Variants in ZNF43 observed in about 807,000 individuals in gnomAD.
ZNF43 encodes zinc finger protein 43.
Under a neutral mutation model 68.4 loss-of-function variants are expected in ZNF43, and 44 were observed. The observed-to-expected ratio is 0.64, with a 90% confidence interval of 0.51 to 0.83. The LOEUF is 0.83. Among genes scored for constraint, ZNF43 ranks in the 40% least tolerant of loss-of-function variants. ZNF43 has a pLI of 0.00. For synonymous variants in ZNF43, 308 were observed against 307.8 expected (o/e 1.00, Z -0.01); for missense variants, 896 against 933.2 (o/e 0.96, Z 0.52).
intron 1 of ZNF43, among the ~76,000 whole-genome samples, chr19:21,846,925 A>G (rs1024121406): frequency 7.9e-5 from 12 of 152,208 alleles, no homozygotes; most frequent in African/African-American, 2.9e-4. Flanking sequence ...ATGTCAGTGC[A>G]GGGCCTAGCA....
upstream of ZNF43, among the ~76,000 whole-genome samples, chr19:21,836,722 C>G (rs902626395): frequency 1.3e-5 from 2 of 152,102 alleles, no homozygotes; most frequent in Non-Finnish European, 2.9e-5. Flanking sequence ...GTAGCTGGGA[C>G]CACTGGCATG....
At chr19:21,844,861 C>G (rs1382888060) in intron 1 of ZNF43, among the ~76,000 whole-genome samples, 1 of 132,308 alleles carries the variant, frequency 7.6e-6, no homozygotes, top group African/African-American at 3.0e-5. Flanking sequence ...TGCTCCACTG[C>G]ACTCCAGCCT....
rs767202213 is a variant in ZNF43, at chr19:21,808,582, T to C, written c.1455A>G (p.Glu485=). ...IHTAEKPYKC[E]ECGKAFSRSS... ...ACCGGCTAAAAGCTTTGCCACATTCTTCACATTTGTACGGTTTTTCTGCAG... is the reference window on the plus strand; with the variant it reads ...ACCGGCTAAAAGCTTTGCCACATTCCTCACATTTGTACGGTTTTTCTGCAG... Residue 485 remains glutamate (E), a synonymous_variant, in exon 4 of 4, where the codon GAA becomes GAG. Coordinates refer to ENST00000354959, the MANE Select transcript of ZNF43 (RefSeq NM_003423.4). 1 of 1,613,714 alleles carries C rather than the reference T, an allele frequency of 6.2e-7. No individual in the cohort carries two copies. Among genetic ancestry groups the C allele is most frequent in the Non-Finnish European group, 8.5e-7 (1 of 1,179,858 alleles).
At chr19:21,810,758 G>A (rs1022970031) in intron 3 of ZNF43, among the ~76,000 whole-genome samples, 2 of 152,050 alleles carry the variant, frequency 1.3e-5, no homozygotes, top group Non-Finnish European at 2.9e-5. Context: ...GACCAGCCAG[G>A]GCAACATAGT....
chr19:21,829,097 CCCAGCTACT>C (rs1380195404), intron 1 of ZNF43, among the ~76,000 whole-genome samples: 2 of 146,206 alleles, frequency 1.4e-5, no homozygotes, highest in Admixed American at 1.4e-4. Context: ...TGCCTGTAGT[CCCAGCTACT>C]CCAGCTACTC....
intron 1 of ZNF43, among the ~76,000 whole-genome samples, chr19:21,851,634 C>G (rs116811099): frequency 6.6e-6 from 1 of 152,098 alleles, no homozygotes; most frequent in Non-Finnish European, 1.5e-5. Context: ...GATTCTGCCC[C>G]GATCATCCGC....
chr19:21,807,501 TAGA>T lies in ZNF43; in HGVS notation c.*103_*105del, dbSNP rs1356845224. ...AGTTTTGCCACATTCTTCACACTTG[TAGA>T]AGTTTACTCCAATGTAAATTATCTT... On this transcript the variant is annotated 3_prime_UTR_variant, in exon 4 of 4. Coordinates refer to ENST00000354959, the MANE Select transcript of ZNF43 (RefSeq NM_003423.4). 2.1e-5 allele frequency: 24 copies of T among 1,122,154 alleles called. No homozygotes were observed. Among genetic ancestry groups the T allele is most frequent in the Admixed American group, 6.1e-5 (2 of 32,616 alleles). The allele number at this position is 1,122,154 out of a possible 1,614,324, so 69.5% of individuals were successfully genotyped here. A position where few individuals can be genotyped will look rare whatever the true frequency, so the allele number is the denominator to read the frequency against.
At chr19:21,810,993 T>C (rs895021117) in intron 3 of ZNF43, among the ~76,000 whole-genome samples, 2 of 152,066 alleles carry the variant, frequency 1.3e-5, no homozygotes, top group Admixed American at 1.3e-4. Flanking sequence ...ACCAAAATTA[T>C]ACACTGTGTT....
chr19:21,847,895 G>A lies in ZNF43; in HGVS notation c.30+4010C>T, dbSNP rs143216529. Among the ~76,000 whole-genome samples, 694 of 152,102 alleles carry A rather than the reference G, an allele frequency of 4.6e-3. 6 individuals carry two copies. The highest frequency in any genetic ancestry group is 0.015 in the African/African-American group (642 of 41,502). ...GTCACCCAGGCTGGAGTGTAGTGGC[G>A]CATCTTGGCTCTGCAACCTCCATGT... On this transcript the variant is annotated intron_variant, in intron 1 of 3. Coordinates refer to the ZNF43 transcript ENST00000357491.
intron 3 of ZNF43, among the ~76,000 whole-genome samples, chr19:21,810,666 C>G (rs1490087312): frequency 6.6e-6 from 1 of 152,090 alleles, no homozygotes; most frequent in African/African-American, 2.4e-5. Context: ...TTAAGAATAC[C>G]AGCTGGGTGC....
rs1378151047 is a variant in ZNF43 at position 21,807,650 on chromosome 19, G to A, written c.2387C>T (p.Thr796Ile). The stretch of plus-strand genomic sequence containing the variant: ...AGTTTGAGGTGTTGTCAAAATCACT[G>A]TCACATCTTCAGGTTTGTAGAGTTT... ...GEKLYKPEDVTVILTTPQTFS... is the reference protein window; with the variant it reads ...GEKLYKPEDVIVILTTPQTFS... Residue 796 changes from threonine (T) to isoleucine (I), a missense_variant, in exon 4 of 4, where the codon ACA (threonine) becomes ATA (isoleucine). Thr to Ile is a moderately conservative substitution (Grantham distance 89). Coordinates refer to ENST00000354959, the MANE Select transcript of ZNF43 (RefSeq NM_003423.4). 2.5e-6 allele frequency: 4 copies of A among 1,570,410 alleles called. No individual in the cohort carries two copies. In the African/African-American group the frequency reaches 5.5e-5, roughly 22 times the overall value.
At chr19:21,836,833 C>T (rs773569969), upstream of ZNF43, among the ~76,000 whole-genome samples, 2 of 152,138 alleles carry the variant, frequency 1.3e-5, no homozygotes, top group Non-Finnish European at 2.9e-5. Context: ...CTCAATGAAT[C>T]CTACAAAGTC....
chr19:21,818,964 C>A, intron 2 of ZNF43, 131 bp downstream of exon 2: 1 of 1,319,728 alleles, frequency 7.6e-7, no homozygotes, highest in Non-Finnish European at 1.0e-6. Context: ...GCCAACAAAT[C>A]CCAATTTTTT....
chr19:21,818,231 T>C (rs1599471362), intron 2 of ZNF43, among the ~76,000 whole-genome samples: 3 of 151,938 alleles, frequency 2.0e-5, no homozygotes, highest in South Asian at 2.1e-4. Context: ...GTCTCCCAAG[T>C]AGTTGGGATT....
At chr19:21,833,289 CAG>C (rs1289764145) in intron 1 of ZNF43, among the ~76,000 whole-genome samples, 6 of 151,928 alleles carry the variant, frequency 3.9e-5, no homozygotes, top group East Asian at 1.9e-4. Flanking sequence ...ATTTTTTAAA[CAG>C]AGTTTCCCTC....
intron 3 of ZNF43, among the ~76,000 whole-genome samples, chr19:21,814,958 C>T (rs2037449526): frequency 6.6e-6 from 1 of 151,730 alleles, no homozygotes; most frequent in Non-Finnish European, 1.5e-5. Context: ...GAGGCCGAGG[C>T]AGGCGGATCA....
chr19:21,848,699 C>T (rs527569598), intron 1 of ZNF43, among the ~76,000 whole-genome samples: 20 of 152,222 alleles, frequency 1.3e-4, no homozygotes, highest in Non-Finnish European at 2.5e-4. Context: ...GTCACAACCA[C>T]ACCTGCAGAA....
At chr19:21,829,545 G>A (rs2038322410) in intron 1 of ZNF43, among the ~76,000 whole-genome samples, 1 of 152,094 alleles carries the variant, frequency 6.6e-6, no homozygotes, top group Admixed American at 6.6e-5. Flanking sequence ...GATAAGCAAT[G>A]AATCTGAGGT....
chr19:21,822,521 C>T (rs1055447570), intron 1 of ZNF43, among the ~76,000 whole-genome samples: 1 of 152,028 alleles, frequency 6.6e-6, no homozygotes, highest in East Asian at 1.9e-4. Flanking sequence ...AATTCTGTTC[C>T]GTGGCCGGGC....
Sources: allele counts gnomAD v4.1 joint callset (sites outside exome capture counted in the v4.1 genomes callset), GRCh38; gene constraint gnomAD v4.1.1; transcripts MANE v1.5; gene names NCBI Gene and HGNC (gene_info 2026-07-23, HGNC 2026-07-21).